Variants in BTD observed in about 807,000 individuals in gnomAD.
The protein encoded by BTD is biocytinase.
Under a neutral mutation model 17.7 loss-of-function variants are expected in BTD, and 13 were observed. The ratio of observed to expected loss-of-function variants is 0.74; its 90% CI spans 0.48 to 1.17. The LOEUF (loss-of-function observed/expected upper bound fraction) is 1.17, where lower values mean the gene tolerates loss of function less well. BTD is among the 50% of genes most tolerant of loss of function. The probability of loss-of-function intolerance (pLI) is 0.00; values close to 1 mark genes in which losing one functional copy is unlikely to be tolerated. For synonymous variants in BTD, 240 were observed against 245.2 expected (o/e 0.98, Z 0.20); for missense variants, 674 against 650.4 (o/e 1.04, Z -0.39).
At chr3:15,617,277 A>G (rs1409105975) in intron 1 of BTD, among the ~76,000 whole-genome samples, 3 of 152,126 alleles carry the variant, frequency 2.0e-5, no homozygotes, top group African/African-American at 7.2e-5. Flanking sequence ...TCTGTTCTTG[A>G]TAGTTTCATT....
rs1356004914 is a variant in BTD at position 15,649,213 on chromosome 3, G to A, written c.*3725G>A. On this transcript the variant is annotated 3_prime_UTR_variant, in exon 4 of 4. Transcript: ENST00000643237. Reference sequence around the variant, plus strand: ...AAAAGGTCTCAGCTCCTCACCACTTGGGTCTTTCCATAGGGATAGCTGAGT... The same window carrying A: ...AAAAGGTCTCAGCTCCTCACCACTTAGGTCTTTCCATAGGGATAGCTGAGT... Among the ~76,000 whole-genome samples, 1 of 152,186 alleles carries A rather than the reference G, an allele frequency of 6.6e-6. No homozygotes were observed. Among genetic ancestry groups the A allele is most frequent in the Non-Finnish European group, 1.5e-5 (1 of 68,032 alleles).
At chr3:15,643,676 C>G (rs2065599954) in intron 3 of BTD, among the ~76,000 whole-genome samples, 1 of 151,734 alleles carries the variant, frequency 6.6e-6, no homozygotes, top group Non-Finnish European at 1.5e-5. Flanking sequence ...TGTTTATATC[C>G]TTTGCACATT....
chr3:15,656,838 G>A (rs1336562533), downstream of BTD, among the ~76,000 whole-genome samples: 4 of 152,182 alleles, frequency 2.6e-5, no homozygotes, highest in African/African-American at 7.2e-5. Context: ...ACTAACTTAA[G>A]TTTCACTAAG....
chr3:15,648,177 C>G lies in BTD; in HGVS notation c.*2689C>G, dbSNP rs376558875. 6.6e-6 allele frequency among the ~76,000 whole-genome samples: 1 copy of G among 152,218 alleles called. No homozygotes were observed. The highest frequency in any genetic ancestry group is 1.5e-5 in the Non-Finnish European group (1 of 68,042). ...TCCTCAGAGAGGACCGATGGTGAGT[C>G]GGCCGCTCTTGATTCTCAATGAAAC... is the stretch of plus-strand genomic sequence containing the variant. On this transcript the variant is annotated 3_prime_UTR_variant, in exon 4 of 4. Coordinates refer to ENST00000643237, the MANE Select transcript of BTD (RefSeq NM_001370658.1).
intron 4 of BTD, chr3:15,721,150 G>A (rs762969605): frequency 1.0e-5 from 16 of 1,583,182 alleles, no homozygotes; most frequent in South Asian, 5.7e-5. Flanking sequence ...AAAAAAATGC[G>A]AATGTTAAAG....
At chr3:15,661,071 G>T (rs2065916584) in intron 3 of BTD, among the ~76,000 whole-genome samples, 1 of 151,806 alleles carries the variant, frequency 6.6e-6, no homozygotes, top group Admixed American at 6.6e-5. Flanking sequence ...TTCAAGACAA[G>T]CCTGGCCAAC....
rs181449514 is a variant in BTD at position 15,604,767 on chromosome 3, G to A, written c.-17+2873G>A. On this transcript the variant is annotated intron_variant, in intron 1 of 3. Coordinates refer to ENST00000643237, the MANE Select transcript of BTD (RefSeq NM_001370658.1). ...AAGTTCCACAGATCTCTAGGACAGGGGCAAAATGCCACTAGTCTCTTTGCA... is the reference window on the plus strand; with the variant it reads ...AAGTTCCACAGATCTCTAGGACAGGAGCAAAATGCCACTAGTCTCTTTGCA... Among the ~76,000 whole-genome samples, 658 of 152,258 alleles carry A rather than the reference G, an allele frequency of 4.3e-3. 2 individuals carry two copies. The highest frequency in any genetic ancestry group is 6.9e-3 in the Non-Finnish European group (467 of 68,024).
intron 1 of BTD, among the ~76,000 whole-genome samples, chr3:15,617,635 A>G (rs548486665): frequency 3.3e-5 from 5 of 152,304 alleles, no homozygotes; most frequent in Admixed American, 6.5e-5. Context: ...GTAGAGTTCA[A>G]TAGTTTTCTT....
At position 15,651,369 on chromosome 3, in the gene BTD, C is replaced by T. The variant is rs1044081510; in HGVS notation, c.*5881C>T. ...ATCTTGATTGAGGAGATCTTAAGAA[C>T]AGAGTGATTTACACAGCTGTGGGCA... On this transcript the variant is annotated 3_prime_UTR_variant, in exon 4 of 4. Transcript: ENST00000643237. 6.6e-6 allele frequency among the ~76,000 whole-genome samples: 1 copy of T among 152,210 alleles called. No homozygotes were observed. The highest frequency in any genetic ancestry group is 2.4e-5 in the African/African-American group (1 of 41,456).
intron 1 of BTD, among the ~76,000 whole-genome samples, chr3:15,630,303 A>C (rs1335173639): frequency 2.0e-5 from 3 of 152,214 alleles, no homozygotes; most frequent in Non-Finnish European, 4.4e-5. Context: ...ATGCGTAGCC[A>C]CTTGGGTTAA....
At chr3:15,654,263 G>T (rs1274280128), downstream of BTD, among the ~76,000 whole-genome samples, 1 of 152,228 alleles carries the variant, frequency 6.6e-6, no homozygotes, top group Non-Finnish European at 1.5e-5. Flanking sequence ...AGGGGAGAGG[G>T]CATTGGCTGG....
chr3:15,644,265 G>T, intron 3 of BTD, 51 bp from the exon 4 acceptor site: 2 of 1,561,714 alleles, frequency 1.3e-6, no homozygotes, highest in Non-Finnish European at 1.7e-6. Context: ...CTCCCACAGT[G>T]CTGGGATTAC....
Position 15,644,885 on chromosome 3 carries a change from T to A in BTD, c.969T>A (p.Gly323=). 1 of 1,614,006 alleles carries A rather than the reference T, an allele frequency of 6.2e-7. No homozygotes were observed. Among genetic ancestry groups the A allele is most frequent in the East Asian group, 2.2e-5 (1 of 44,882 alleles). Residue 323 remains glycine (G), a synonymous_variant, in exon 4 of 4, where the codon GGT becomes GGA. Coordinates refer to ENST00000643237, the MANE Select transcript of BTD (RefSeq NM_001370658.1). ...CCCAGGTGGCCAAAAATCCAGTGGG[T>A]CTCATTGGTGCAGAGAATGCAACAG... ...IIAQVAKNPV[G]LIGAENATGE... is the part of the protein sequence containing the mutation.
intron 1 of BTD, among the ~76,000 whole-genome samples, chr3:15,633,604 A>G (rs1048622164): frequency 2.0e-5 from 3 of 152,148 alleles, no homozygotes; most frequent in Admixed American, 1.3e-4. Flanking sequence ...TGAGAAAGAG[A>G]TGTAATGTGA....
rs765162847 is a variant in BTD, at chr3:15,649,623, A to G, written c.*4135A>G. Among the ~76,000 whole-genome samples, 21 of 152,184 alleles carry G rather than the reference A, an allele frequency of 1.4e-4. No individual in the cohort carries two copies. The highest frequency in any genetic ancestry group is 2.4e-4 in the Non-Finnish European group (16 of 68,028). On this transcript the variant is annotated 3_prime_UTR_variant, in exon 4 of 4. Transcript: ENST00000643237. ...CTGGGTTTCTGGTCCAGCCATAGCTACTTCTTTAAGCTCCTCCAGTGTGCT... is the reference window on the plus strand; with the variant it reads ...CTGGGTTTCTGGTCCAGCCATAGCTGCTTCTTTAAGCTCCTCCAGTGTGCT...
chr3:15,602,290 G>A (rs1021427410), intron 1 of BTD: 1 of 1,178,030 alleles, frequency 8.5e-7, no homozygotes, highest in Non-Finnish European at 1.1e-6. Context: ...GGTCACAAGC[G>A]ATGAAAAGAG....
At chr3:15,690,659 G>T (rs2068667793) in intron 3 of BTD, among the ~76,000 whole-genome samples, 1 of 152,086 alleles carries the variant, frequency 6.6e-6, no homozygotes, top group Non-Finnish European at 1.5e-5. Context: ...TGACCTTCTG[G>T]GCTTAAGTGA....
At chr3:15,694,825 G>C (rs779740666) in intron 3 of BTD, 13 of 1,612,072 alleles carry the variant, frequency 8.1e-6, no homozygotes, top group South Asian at 1.1e-5. Context: ...TGAAAAAGAA[G>C]AGGCATTTTA....
At chr3:15,606,119 C>T (rs2064446870) in intron 1 of BTD, among the ~76,000 whole-genome samples, 1 of 151,060 alleles carries the variant, frequency 6.6e-6, no homozygotes, top group South Asian at 2.1e-4. Flanking sequence ...TGCCTCCTGT[C>T]CTTGTTGAAG....
Sources: gnomAD v4.1 joint callset for allele counts (sites outside exome capture counted in the v4.1 genomes callset) on GRCh38, gnomAD v4.1.1 for gene constraint, MANE v1.5 for transcripts, NCBI Gene and HGNC (gene_info 2026-07-23, HGNC 2026-07-21) for gene names.